Variants in SENP7 observed in about 807,000 individuals in gnomAD.
SENP7 encodes the protein SUMO specific peptidase 7, also known as sentrin-specific protease 7.
A neutral mutation model predicts 141.2 loss-of-function variants in SENP7; 64 were observed. The ratio of observed to expected loss-of-function variants is 0.45; its 90% CI spans 0.37 to 0.56. The LOEUF (loss-of-function observed/expected upper bound fraction) is 0.56. SENP7 is among the 20% of genes least tolerant of loss of function. The pLI, the probability that SENP7 is intolerant of heterozygous loss-of-function variation, is 0.00. For missense variants in SENP7, 1,025 were observed against 1,212.2 expected (o/e 0.85, Z 2.29); for synonymous variants, 382 against 426.4 (o/e 0.90, Z 1.28).
In SENP7 at chr3:101,423,400, G is replaced by GT. The variant is rs536671743; in HGVS notation, c.285-5611dup. On this transcript the variant is annotated intron_variant, in intron 4 of 23. Transcript: ENST00000394095. ...GGGTGATAATAAAGAAGATGACCAT[G>GT]TAAGTGTTGGCAGGGGTGTGGAGAA... Among the ~76,000 whole-genome samples, 28 of 152,310 alleles carry GT rather than the reference G, an allele frequency of 1.8e-4. No individual in the cohort carries two copies. In the South Asian group the frequency reaches 5.6e-3, roughly 30 times the overall value.
At chr3:101,470,252 C>T (rs1213087530) in intron 3 of SENP7, among the ~76,000 whole-genome samples, 1 of 152,000 alleles carries the variant, frequency 6.6e-6, no homozygotes, top group Non-Finnish European at 1.5e-5. Context: ...GAGATAGAGA[C>T]ACAAGGAGAT....
At chr3:101,335,567 G>A (rs559872655) in intron 17 of SENP7, among the ~76,000 whole-genome samples, 22 of 152,088 alleles carry the variant, frequency 1.4e-4, no homozygotes, top group South Asian at 4.1e-4. Flanking sequence ...TGCCACTCAC[G>A]TAACTTTATT....
Position 101,361,747 on chromosome 3 carries a change from T to G in SENP7, c.1591A>C (p.Lys531Gln), listed in dbSNP as rs1260202675. 6.3e-7 allele frequency: 1 copy of G among 1,587,396 alleles called. No individual in the cohort carries two copies. The highest frequency in any genetic ancestry group is 1.8e-5 in the Admixed American group (1 of 54,488). The change falls in exon 11 of 24, where the codon AAA becomes CAA. Residue 531 changes from lysine to glutamine, a missense_variant. By Grantham distance (53) the Lys-to-Gln change is moderately conservative (BLOSUM62 1). Transcript: ENST00000394095. ...CAACCTTTAGAAGCTCCTTTTATTT[T>G]ACCAATATAAACAGAAGTAAATATA... ...DFIFTSVYIG[K>Q]IKGASKGCVT...
Position 101,332,822 on chromosome 3 carries a change from G to A in SENP7, c.2521C>T (p.Arg841Cys). 2.6e-6 allele frequency: 4 copies of A among 1,566,374 alleles called. No individual in the cohort carries two copies. The highest frequency in any genetic ancestry group is 2.4e-5 in the East Asian group (1 of 42,030). The change falls in exon 18 of 24, where the codon CGT becomes TGT. Residue 841 changes from arginine to cysteine, a missense_variant. By Grantham distance (180) the Arg-to-Cys change is radical. Around this residue, in one of 4 missense-constraint regions of SENP7, gnomAD observed 295 missense variants for 459.1 expected, o/e 0.64. Coordinates refer to ENST00000394095, the MANE Select transcript of SENP7 (RefSeq NM_020654.5). ...RRHKRVRTWT[R>C]HINIFNKDYI... ...TCTTTATTAAAAATGTTTATGTGACGAGTCCATGTTCTTACTCTTTTATGT... is the reference window on the plus strand; with the variant it reads ...TCTTTATTAAAAATGTTTATGTGACAAGTCCATGTTCTTACTCTTTTATGT...
At chr3:101,434,489 G>GT (rs2062309114) in intron 4 of SENP7, among the ~76,000 whole-genome samples, 2 of 151,874 alleles carry the variant, frequency 1.3e-5, no homozygotes, top group South Asian at 4.1e-4. Flanking sequence ...CAAAAAGTTG[G>GT]TTTTTTCAAA....
At chr3:101,506,273 G>A (rs1199250375) in intron 1 of SENP7, among the ~76,000 whole-genome samples, 1 of 152,132 alleles carries the variant, frequency 6.6e-6, no homozygotes, top group Non-Finnish European at 1.5e-5. Context: ...GCCCACCTTG[G>A]CCTCCCAAAG....
intron 2 of SENP7, among the ~76,000 whole-genome samples, chr3:101,499,566 C>T (rs564605293): frequency 3.0e-5 from 4 of 133,234 alleles, no homozygotes; most frequent in East Asian, 2.0e-4. Flanking sequence ...GACAGAGTCT[C>T]GCTCTGTCGC....
intron 3 of SENP7, among the ~76,000 whole-genome samples, chr3:101,490,099 C>T (rs7626800): frequency 7.3e-4 from 110 of 151,588 alleles, no homozygotes; most frequent in African/African-American, 1.8e-3. Context: ...TGGGAGAAAT[C>T]GCTTGAATCC....
At chr3:101,326,380 C>T (rs2058899785) in intron 23 of SENP7, among the ~76,000 whole-genome samples, 1 of 151,912 alleles carries the variant, frequency 6.6e-6, no homozygotes, top group African/African-American at 2.4e-5. Flanking sequence ...TAATGATTTC[C>T]AAAATGTGTA....
chr3:101,448,295 GA>G (rs1168564837), intron 4 of SENP7, among the ~76,000 whole-genome samples: 4 of 152,178 alleles, frequency 2.6e-5, no homozygotes, highest in African/African-American at 9.7e-5. Context: ...ACCATCAAGA[GA>G]GTGAGAAACT....
At chr3:101,431,493 T>C (rs2062168047) in intron 4 of SENP7, among the ~76,000 whole-genome samples, 1 of 150,920 alleles carries the variant, frequency 6.6e-6, no homozygotes, top group Non-Finnish European at 1.5e-5. Flanking sequence ...TCAGAGATTA[T>C]GATTGCAACC....
rs116535064 is a variant in SENP7, at chr3:101,343,195, A to G, written c.2106+491T>C. Reference sequence around the variant, plus strand: ...GATGTCTACAAGGTTTCTCCACTGCAAAGTTACCACTTTTCTTTTTGTAAA... The same window carrying G: ...GATGTCTACAAGGTTTCTCCACTGCGAAGTTACCACTTTTCTTTTTGTAAA... On this transcript the variant is annotated intron_variant, in intron 14 of 23. Transcript: ENST00000394095. 2.8e-3 allele frequency among the ~76,000 whole-genome samples: 421 copies of G among 152,316 alleles called. 1 individual carries two copies. Among genetic ancestry groups the G allele is most frequent in the African/African-American group, 9.7e-3 (404 of 41,576 alleles).
At chr3:101,395,890 A>G (rs1351989267) in intron 6 of SENP7, among the ~76,000 whole-genome samples, 2 of 152,326 alleles carry the variant, frequency 1.3e-5, no homozygotes, top group East Asian at 1.9e-4. Flanking sequence ...GAGAGACACA[A>G]AAATAATGAC....
chr3:101,403,077 C>T (rs2061197048), intron 5 of SENP7, among the ~76,000 whole-genome samples: 1 of 152,158 alleles, frequency 6.6e-6, no homozygotes, highest in African/African-American at 2.4e-5. Context: ...TAACAAAGTA[C>T]AGTGAAGTTC....
rs141590577 is a variant in SENP7, at chr3:101,411,599, T to C, written c.482+5994A>G. On this transcript the variant is annotated intron_variant, in intron 5 of 23. Transcript: ENST00000394095. Reference sequence around the variant, plus strand: ...AACAATACCTAGCTGTCTTTTGCAGTACAGGTTTATAAATTAGCACAGTCA... The same window carrying C: ...AACAATACCTAGCTGTCTTTTGCAGCACAGGTTTATAAATTAGCACAGTCA... Among the ~76,000 whole-genome samples, 459 of 152,314 alleles carry C rather than the reference T, an allele frequency of 3.0e-3. 2 individuals carry two copies. The highest frequency in any genetic ancestry group is 9.8e-3 in the African/African-American group (406 of 41,570).
chr3:101,417,903 T>G (rs2061673799), intron 4 of SENP7, 113 bp from the exon 5 acceptor site: 1 of 801,462 alleles, frequency 1.2e-6, no homozygotes, highest in Non-Finnish European at 2.0e-6. Context: ...CAAGCAACTA[T>G]AGTAAATACC....
Position 101,325,455 on chromosome 3 carries a change from A to G in SENP7, c.*488T>C, listed in dbSNP as rs2058875566. 1 of 152,538 alleles carries G rather than the reference A, an allele frequency of 6.6e-6. No individual in the cohort carries two copies. The highest frequency in any genetic ancestry group is 1.5e-5 in the Non-Finnish European group (1 of 68,014). The allele number at this position is 152,538 out of a possible 1,614,324, so 9.4% of individuals were successfully genotyped here. A position where few individuals can be genotyped will look rare whatever the true frequency, so the allele number is the denominator to read the frequency against. ...TGGCATTTTCTGAAGCCTTGATACT[A>G]AATTATTTTTTTAAAAAATACACAG... On this transcript the variant is annotated 3_prime_UTR_variant, in exon 24 of 24. Transcript: ENST00000394095.
In SENP7 at chr3:101,398,916, T is replaced by C; in HGVS notation, c.622A>G (p.Ser208Gly). ...TTTAGATTTTGATAAGATTCTAGGC[T>C]GCCATCAGATGATGAAGAAAGTTGC... ...SEQLSSSSDG[S>G]LESYQNLNPH... The change falls in exon 6 of 24, where the codon AGC (serine) becomes GGC (glycine). Residue 208 changes from serine (S) to glycine (G), a missense_variant. Ser to Gly is a moderately conservative substitution (Grantham distance 56). This residue lies in a region of SENP7 where 496 missense variants were observed against 503.5 expected (regional missense o/e 0.99). Transcript: ENST00000394095. The C allele has an allele frequency of 1.2e-6, 2 of 1,612,430 alleles. No individual in the cohort carries two copies. Among genetic ancestry groups the C allele is most frequent in the Non-Finnish European group, 1.7e-6 (2 of 1,178,924 alleles).
At chr3:101,343,287 T>C (rs1449436525) in intron 14 of SENP7, among the ~76,000 whole-genome samples, 1 of 152,218 alleles carries the variant, frequency 6.6e-6, no homozygotes, top group Admixed American at 6.5e-5. Flanking sequence ...AAATTTTTAC[T>C]CATTAAATTT....
Sources: allele counts gnomAD v4.1 joint callset (sites outside exome capture counted in the v4.1 genomes callset), GRCh38; gene constraint gnomAD v4.1.1; regional missense constraint gnomAD v4.1.1; transcripts MANE v1.5; gene names NCBI Gene and HGNC (gene_info 2026-07-23, HGNC 2026-07-21).